PTPRR: variants seen among roughly 807,000 people sequenced by gnomAD.
PTPRR encodes the protein receptor-type tyrosine-protein phosphatase R.
In PTPRR, 38 loss-of-function variants were observed where a neutral mutation model predicts 77.2. The ratio of observed to expected loss-of-function variants is 0.49; its 90% confidence interval spans 0.38 to 0.65. PTPRR has a LOEUF of 0.65. PTPRR is among the 30% of genes least tolerant of loss of function. PTPRR has a pLI of 0.00. For synonymous variants in PTPRR, 299 were observed against 283.1 expected (o/e 1.06, Z -0.57); for missense variants, 744 against 799.2 (o/e 0.93, Z 0.83).
intron 2 of PTPRR, among the ~76,000 whole-genome samples, chr12:70,890,287 G>A (rs964541486): frequency 2.6e-5 from 4 of 152,026 alleles, no homozygotes; most frequent in African/African-American, 9.7e-5. Flanking sequence ...TTCTAATTGT[G>A]TTGTACTCTC....
At chr12:70,728,453 T>C (rs1889528838) in intron 6 of PTPRR, among the ~76,000 whole-genome samples, 1 of 98,414 alleles carries the variant, frequency 1.0e-5, no homozygotes, top group Non-Finnish European at 2.0e-5. Context: ...TATTCAATTA[T>C]ATATATATAC....
At chr12:70,776,308 T>G (rs1891087044) in intron 2 of PTPRR, among the ~76,000 whole-genome samples, 1 of 152,000 alleles carries the variant, frequency 6.6e-6, no homozygotes, top group Non-Finnish European at 1.5e-5. Flanking sequence ...ATATTTTCTT[T>G]ATCTATATTT....
intron 6 of PTPRR, among the ~76,000 whole-genome samples, chr12:70,721,008 C>T (rs34211279): frequency 0.068 from 10,344 of 152,202 alleles, 469 homozygotes; most frequent in South Asian, 0.12. Flanking sequence ...AGCATGTCAA[C>T]ACAGGTTTAG....
At chr12:70,840,727 C>T (rs1333776716) in intron 2 of PTPRR, among the ~76,000 whole-genome samples, 1 of 152,028 alleles carries the variant, frequency 6.6e-6, no homozygotes, top group African/African-American at 2.4e-5. Flanking sequence ...CTCACTATGT[C>T]GAAAGGTCTG....
chr12:70,770,070 A>G lies in PTPRR; in HGVS notation c.358-5292T>C, dbSNP rs1356541119. On this transcript the variant is annotated intron_variant, in intron 2 of 13. Coordinates refer to ENST00000283228, the MANE Select transcript of PTPRR (RefSeq NM_002849.4). The stretch of plus-strand genomic sequence containing the variant: ...CCATAAAAACCCTAGAAGAAAACCT[A>G]GGCATTACCATTCAGGACATAGGCA... 4.6e-5 allele frequency among the ~76,000 whole-genome samples: 7 copies of G among 151,670 alleles called. No homozygotes were observed. The South Asian group carries it at 1.5e-3, about 32-fold the overall frequency.
Position 70,684,247 on chromosome 12 carries a change from C to T in PTPRR, c.1377G>A (p.Glu459=), listed in dbSNP as rs1389766524. The stretch of plus-strand genomic sequence containing the variant: ...GGCCCTGCGTGGCAATGAAGGCTTT[C>T]TCCTTGCCACTGTAGCCCTAGATGG... The part of the protein sequence containing the change: ...ANYIRGYSGK[E]KAFIATQGPM... Residue 459 remains glutamate, a synonymous_variant, in exon 10 of 14, where the codon GAG becomes GAA. Coordinates refer to ENST00000283228, the MANE Select transcript of PTPRR (RefSeq NM_002849.4). 1.2e-6 allele frequency: 2 copies of T among 1,613,694 alleles called. No homozygotes were observed. The highest frequency in any genetic ancestry group is 1.7e-6 in the Non-Finnish European group (2 of 1,179,780).
intron 6 of PTPRR, among the ~76,000 whole-genome samples, chr12:70,710,814 A>G (rs563826094): frequency 5.1e-4 from 77 of 152,292 alleles, no homozygotes; most frequent in African/African-American, 1.8e-3. Flanking sequence ...AACATCACTG[A>G]TAATTAGAGA....
chr12:70,821,631 T>C (rs747718286), intron 2 of PTPRR, among the ~76,000 whole-genome samples: 5 of 151,620 alleles, frequency 3.3e-5, no homozygotes, highest in Non-Finnish European at 5.9e-5. Flanking sequence ...AGGGAGAGCG[T>C]GGGGAGAAAC....
intron 10 of PTPRR, among the ~76,000 whole-genome samples, chr12:70,677,594 AT>A (rs1887495494): frequency 6.6e-6 from 1 of 152,096 alleles, no homozygotes; most frequent in African/African-American, 2.4e-5. Flanking sequence ...TCTGTATCTA[AT>A]TTGTTGACAG....
intron 8 of PTPRR, among the ~76,000 whole-genome samples, chr12:70,689,368 T>C (rs530704695): frequency 2.0e-5 from 3 of 152,166 alleles, no homozygotes; most frequent in South Asian, 4.2e-4. Flanking sequence ...ATATAAGCTT[T>C]AGCTCCCCTC....
Position 70,701,187 on chromosome 12 carries a change from G to A in PTPRR, c.1144C>T (p.Gln382Ter). The change falls in exon 7 of 14, where the codon CAG becomes TAG. Residue 382 changes from glutamine to a stop codon, truncating the protein, a stop_gained. Coordinates refer to ENST00000283228, the MANE Select transcript of PTPRR (RefSeq NM_002849.4). LOFTEE classifies it high-confidence loss of function. Reference protein sequence around the residue: ...QSASRILTRSQLRDVVASSHL... With the variant: ...QSASRILTRS ...GAACTTGCCACGACGTCCCTCAGCT[G>A]AGACCTTGTGAGAATTCGGCTGGCT... 1 of 1,613,942 alleles carries A rather than the reference G, an allele frequency of 6.2e-7. No individual in the cohort carries two copies. The highest frequency in any genetic ancestry group is 8.5e-7 in the Non-Finnish European group (1 of 1,179,940).
At chr12:70,679,777 T>C (rs1475074305) in intron 10 of PTPRR, among the ~76,000 whole-genome samples, 1 of 152,196 alleles carries the variant, frequency 6.6e-6, no homozygotes, top group African/African-American at 2.4e-5. Flanking sequence ...CTATATGTCT[T>C]TACATGTGAA....
intron 2 of PTPRR, among the ~76,000 whole-genome samples, chr12:70,784,334 G>T (rs1891274732): frequency 6.6e-6 from 1 of 152,240 alleles, no homozygotes; most frequent in South Asian, 2.1e-4. Flanking sequence ...GCTCCATGGA[G>T]CAAGGCACCT....
intron 2 of PTPRR, among the ~76,000 whole-genome samples, 181 bp downstream of exon 2, chr12:70,892,498 A>C (rs1287829539): frequency 6.6e-6 from 1 of 152,106 alleles, no homozygotes; most frequent in Non-Finnish European, 1.5e-5. Context: ...CTGATTTCGT[A>C]AGAGGAAGAA....
intron 2 of PTPRR, among the ~76,000 whole-genome samples, chr12:70,772,904 C>T (rs993959109): frequency 6.6e-6 from 1 of 152,094 alleles, no homozygotes; most frequent in African/African-American, 2.4e-5. Flanking sequence ...ACAGAAATTT[C>T]TTGTCTTGTC....
At chr12:70,823,523 ACT>A (rs1388652607) in intron 2 of PTPRR, among the ~76,000 whole-genome samples, 1 of 152,086 alleles carries the variant, frequency 6.6e-6, no homozygotes, top group Non-Finnish European at 1.5e-5. Flanking sequence ...ATTTTTTGTT[ACT>A]GTGTGTTTTT....
chr12:70,908,497 A>C (rs1034708655), intron 1 of PTPRR, among the ~76,000 whole-genome samples: 5 of 152,164 alleles, frequency 3.3e-5, no homozygotes, highest in East Asian at 1.9e-4. Flanking sequence ...GAAGGGGGGA[A>C]GTCCCTTATA....
chr12:70,859,680 A>G (rs1892717567), intron 2 of PTPRR, among the ~76,000 whole-genome samples: 1 of 151,998 alleles, frequency 6.6e-6, no homozygotes, highest in Non-Finnish European at 1.5e-5. Context: ...GATGTCTTTT[A>G]CTGTTTTCCA....
intron 2 of PTPRR, among the ~76,000 whole-genome samples, chr12:70,807,376 TA>T (rs1362247028): frequency 4.3e-4 from 65 of 152,260 alleles, no homozygotes; most frequent in Non-Finnish European, 7.5e-4. Context: ...GCCCACCTTT[TA>T]AAAAAATGCA....
Sources: gnomAD v4.1 joint callset for allele counts (sites outside exome capture counted in the v4.1 genomes callset) on GRCh38, gnomAD v4.1.1 for gene constraint, MANE v1.5 for transcripts, NCBI Gene and HGNC (gene_info 2026-07-23, HGNC 2026-07-21) for gene names.